The following CD46 variants were observed in gnomAD, a reference collection of about 807,000 sequenced individuals.
The protein encoded by CD46 is CD46 molecule.
A neutral mutation model predicts 53.3 loss-of-function variants in CD46; 30 were observed. The ratio of observed to expected loss-of-function variants is 0.56; its 90% CI spans 0.42 to 0.76. The LOEUF (loss-of-function observed/expected upper bound fraction) is 0.76. CD46 is among the 30% of genes least tolerant of loss of function. CD46 has a pLI of 0.00. For synonymous variants in CD46, 142 were observed against 152.0 expected (o/e 0.93, Z 0.48); for missense variants, 409 against 463.0 (o/e 0.88, Z 1.07).
At chr1:207,754,042 G>A (rs1418838779) in intron 1 of CD46, among the ~76,000 whole-genome samples, 1 of 152,104 alleles carries the variant, frequency 6.6e-6, no homozygotes, top group Non-Finnish European at 1.5e-5. Context: ...GCTCAGTGCC[G>A]GGAACACAGT....
intron 3 of CD46, 59 bp from the exon 4 acceptor site, chr1:207,759,580 T>G (rs1655956108): frequency 1.1e-6 from 1 of 935,592 alleles, no homozygotes; most frequent in Non-Finnish European, 1.7e-6. Flanking sequence ...ATTCCTTCAT[T>G]ATTATGTGTG....
chr1:207,792,706 A>G (rs1385413529), intron 12 of CD46, among the ~76,000 whole-genome samples: 2 of 152,144 alleles, frequency 1.3e-5, no homozygotes, highest in Non-Finnish European at 2.9e-5. Context: ...ATTAAAGTCA[A>G]TTTACTAAGG....
intron 1 of CD46, among the ~76,000 whole-genome samples, chr1:207,753,395 C>A (rs1463837336): frequency 6.6e-6 from 1 of 152,224 alleles, no homozygotes; most frequent in Non-Finnish European, 1.5e-5. Context: ...CTAGGCCAGG[C>A]GCAGTGGCTC....
chr1:207,752,116 C>A lies in CD46; in HGVS notation c.-97C>A. On this transcript the variant is annotated 5_prime_UTR_variant, in exon 1 of 13. Transcript: ENST00000367042. This position sits in a 1 kb window ranked among gnomAD's most constrained non-coding sequence, Gnocchi z 4.1. ...ATGCTTTGTGAGTTGGGGATTGTTG[C>A]GTCCCATATCTGGACCCAGAAGGGA... is the stretch of plus-strand genomic sequence containing the variant. 1 of 1,107,454 alleles carries A rather than the reference C, an allele frequency of 9.0e-7. No homozygotes were observed. Among genetic ancestry groups the A allele is most frequent in the Non-Finnish European group, 1.4e-6 (1 of 729,278 alleles). The allele number at this position is 1,107,454 out of a possible 1,614,324, so 68.6% of individuals were successfully genotyped here.
At chr1:207,763,301 G>C (rs577947322) in intron 5 of CD46, 2 of 152,420 alleles carry the variant, frequency 1.3e-5, no homozygotes, top group Non-Finnish European at 2.9e-5. Context: ...CGTGGAGTAC[G>C]GGATCCAGCT....
At chr1:207,785,802 C>A (rs1397650367) in intron 11 of CD46, 120 bp downstream of exon 11, 1 of 661,708 alleles carries the variant, frequency 1.5e-6, no homozygotes, top group Non-Finnish European at 2.7e-6. Context: ...AAAAAAATGC[C>A]TGCATTAGTT....
chr1:207,782,353 A>G (rs1026060304), intron 8 of CD46, among the ~76,000 whole-genome samples: 1 of 152,176 alleles, frequency 6.6e-6, no homozygotes, highest in Non-Finnish European at 1.5e-5. Flanking sequence ...GGTTTTCTAA[A>G]TAAAAGATCA....
Position 207,793,631 on chromosome 1 carries a change from T to G in CD46, c.*154T>G. ...CTGGTTTGCCAGTTCATCTTTTGAC[T>G]CTATTAAAATCTTCAATAGTTGTTA... On this transcript the variant is annotated 3_prime_UTR_variant, in exon 13 of 13. Transcript: ENST00000367042. The G allele has an allele frequency of 1.3e-6, 2 of 1,490,132 alleles. No homozygotes were observed. The highest frequency in any genetic ancestry group is 1.9e-6 in the Non-Finnish European group (2 of 1,067,684). The allele number at this position is 1,490,132 out of a possible 1,614,324, so 92.3% of individuals were successfully genotyped here.
At chr1:207,792,092 A>G (rs550048288) in intron 12 of CD46, among the ~76,000 whole-genome samples, 3 of 152,150 alleles carry the variant, frequency 2.0e-5, no homozygotes, top group Non-Finnish European at 4.4e-5. Context: ...GTTGGCCAAA[A>G]TGGTGAAACC....
chr1:207,765,130 T>C (rs1656699463), intron 5 of CD46, among the ~76,000 whole-genome samples: 1 of 152,148 alleles, frequency 6.6e-6, no homozygotes, highest in Non-Finnish European at 1.5e-5. Flanking sequence ...GAATGCAAGA[T>C]TAGTTCAAAT....
At chr1:207,777,714 G>T (rs1441050397) in intron 8 of CD46, among the ~76,000 whole-genome samples, 4 of 152,124 alleles carry the variant, frequency 2.6e-5, no homozygotes, top group Non-Finnish European at 5.9e-5. Context: ...TTGATTCCTT[G>T]TCTTTGCTAT....
At chr1:207,761,500 GTAAA>G in intron 5 of CD46, 54 bp downstream of exon 5, 6 of 1,438,390 alleles carry the variant, frequency 4.2e-6, no homozygotes, top group Non-Finnish European at 3.9e-6. Context: ...GAAACATTTT[GTAAA>G]TAGTTTCATC....
chr1:207,782,527 T>A (rs1267112917), intron 8 of CD46, among the ~76,000 whole-genome samples: 1 of 152,158 alleles, frequency 6.6e-6, no homozygotes, highest in Non-Finnish European at 1.5e-5. Context: ...CTTCATTCAT[T>A]TAACATTGAG....
intron 8 of CD46, among the ~76,000 whole-genome samples, chr1:207,780,148 A>C (rs190756747): frequency 6.6e-6 from 1 of 151,500 alleles, no homozygotes; most frequent in East Asian, 1.9e-4. Flanking sequence ...CTGAATCTCT[A>C]CTCATTAAAC....
chr1:207,786,504 C>T (rs1229932555), intron 11 of CD46, among the ~76,000 whole-genome samples: 1 of 152,188 alleles, frequency 6.6e-6, no homozygotes, highest in Non-Finnish European at 1.5e-5. Flanking sequence ...TCCTGGAACA[C>T]AGACTAAGAT....
intron 12 of CD46, among the ~76,000 whole-genome samples, chr1:207,792,631 A>G (rs1273277126): frequency 1.3e-5 from 2 of 152,316 alleles, no homozygotes; most frequent in South Asian, 4.1e-4. Flanking sequence ...TGGAAAGGCA[A>G]TGTGTTTGCT....
intron 9 of CD46, among the ~76,000 whole-genome samples, chr1:207,784,097 G>T (rs1039634649): frequency 3.3e-5 from 5 of 152,120 alleles, no homozygotes; most frequent in Non-Finnish European, 2.9e-5. Flanking sequence ...ATGTGCCCTG[G>T]TGTTTCATTT....
At chr1:207,753,803 A>T (rs546234175) in intron 1 of CD46, among the ~76,000 whole-genome samples, 40 of 152,354 alleles carry the variant, frequency 2.6e-4, no homozygotes, top group African/African-American at 9.4e-4. Flanking sequence ...CGTCATGTGT[A>T]TCTATGTCCA....
chr1:207,775,914 G>A (rs1414147738), intron 8 of CD46, among the ~76,000 whole-genome samples: 1 of 152,190 alleles, frequency 6.6e-6, no homozygotes, highest in Non-Finnish European at 1.5e-5. Flanking sequence ...TGTCAGACAG[G>A]GACGTTTAAG....
Sources: gnomAD v4.1 joint callset for allele counts (sites outside exome capture counted in the v4.1 genomes callset) on GRCh38, gnomAD v4.1.1 for gene constraint, Gnocchi (gnomAD v3.1) non-coding constraint, MANE v1.5 for transcripts, NCBI Gene and HGNC (gene_info 2026-07-23, HGNC 2026-07-21) for gene names.